The following SLC8A3 variants were observed in gnomAD, a reference collection of about 807,000 sequenced individuals.
SLC8A3 encodes sodium/calcium exchanger 3.
Under a neutral mutation model 65.4 loss-of-function variants are expected in SLC8A3, and 37 were observed. That is an observed-to-expected ratio of 0.57 (90% CI 0.44 to 0.74). The LOEUF (loss-of-function observed/expected upper bound fraction) is 0.74, where lower values mean the gene tolerates loss of function less well. SLC8A3 is among the 30% of genes least tolerant of loss of function. The probability of loss-of-function intolerance (pLI) is 0.00; values close to 1 mark genes in which losing one functional copy is unlikely to be tolerated. For missense variants in SLC8A3, 1,112 were observed against 1,172.1 expected (o/e 0.95, Z 0.75); for synonymous variants, 461 against 444.5 (o/e 1.04, Z -0.47).
At chr14:70,073,942 C>T (rs1354841924) in intron 2 of SLC8A3, among the ~76,000 whole-genome samples, 2 of 152,192 alleles carry the variant, frequency 1.3e-5, no homozygotes, top group Non-Finnish European at 2.9e-5. Context: ...TTGTAAATAG[C>T]AAATCCAGGA....
intron 2 of SLC8A3, among the ~76,000 whole-genome samples, chr14:70,084,086 T>C (rs886514550): frequency 1.1e-4 from 17 of 152,226 alleles, no homozygotes; most frequent in Non-Finnish European, 2.4e-4. Context: ...GATAATTAAG[T>C]GAGATGCCCT....
intron 1 of SLC8A3, among the ~76,000 whole-genome samples, chr14:70,184,793 T>C (rs1292919785): frequency 2.0e-5 from 3 of 152,214 alleles, no homozygotes; most frequent in Non-Finnish European, 4.4e-5. Context: ...CACATGCCTG[T>C]CAGAGTAGGT....
intron 2 of SLC8A3, among the ~76,000 whole-genome samples, chr14:70,128,340 G>C (rs61977448): frequency 0.11 from 16,195 of 152,186 alleles, 1,163 homozygotes; most frequent in Non-Finnish European, 0.16. Flanking sequence ...CTCTGTGGTT[G>C]CTTTATTGCC....
chr14:70,132,534 G>T (rs1320638581), intron 2 of SLC8A3, among the ~76,000 whole-genome samples: 1 of 152,162 alleles, frequency 6.6e-6, no homozygotes, highest in Non-Finnish European at 1.5e-5. Flanking sequence ...GGCATGGTGG[G>T]CAAGCAGGTG....
chr14:70,124,928 G>A (rs1894341095), intron 2 of SLC8A3, among the ~76,000 whole-genome samples: 1 of 152,172 alleles, frequency 6.6e-6, no homozygotes. Flanking sequence ...GGAAGAAGGT[G>A]GCATCCTTTC....
chr14:70,059,256 G>A (rs1888497173), intron 3 of SLC8A3: 1 of 152,278 alleles, frequency 6.6e-6, no homozygotes, highest in South Asian at 2.1e-4. Context: ...ATCACACTGA[G>A]AAGGCCTGTA....
chr14:70,121,964 G>T (rs1303907500), intron 2 of SLC8A3, among the ~76,000 whole-genome samples: 1 of 152,112 alleles, frequency 6.6e-6, no homozygotes, highest in Non-Finnish European at 1.5e-5. Flanking sequence ...AAGGGCCATG[G>T]CCCAATATTC....
intron 2 of SLC8A3, among the ~76,000 whole-genome samples, chr14:70,127,422 A>G (rs1894540671): frequency 6.6e-6 from 1 of 152,136 alleles, no homozygotes; most frequent in Non-Finnish European, 1.5e-5. Flanking sequence ...ACGGTTTTGT[A>G]GACCCGTGTT....
At chr14:70,143,435 A>T (rs1373013352) in intron 2 of SLC8A3, among the ~76,000 whole-genome samples, 2 of 152,162 alleles carry the variant, frequency 1.3e-5, no homozygotes, top group African/African-American at 4.8e-5. Flanking sequence ...ACACCTGTCC[A>T]TTTACAAACA....
At chr14:70,162,133 T>A (rs1317835668) in intron 2 of SLC8A3, among the ~76,000 whole-genome samples, 4 of 152,246 alleles carry the variant, frequency 2.6e-5, no homozygotes, top group Non-Finnish European at 5.9e-5. Flanking sequence ...ATTAGTCACA[T>A]AATACTCCCG....
chr14:70,135,745 T>C (rs1334062104), intron 2 of SLC8A3, among the ~76,000 whole-genome samples: 2 of 151,760 alleles, frequency 1.3e-5, no homozygotes, highest in Non-Finnish European at 2.9e-5. Context: ...CAGAGGCTGG[T>C]AAGGGAAGTG....
intron 2 of SLC8A3, among the ~76,000 whole-genome samples, chr14:70,159,693 A>G (rs1478265000): frequency 6.6e-6 from 1 of 152,246 alleles, no homozygotes; most frequent in South Asian, 2.1e-4. Flanking sequence ...AAGACCCAGA[A>G]GAGTCCAGAG....
chr14:70,097,631 A>T (rs1892277173), intron 2 of SLC8A3, among the ~76,000 whole-genome samples: 1 of 152,222 alleles, frequency 6.6e-6, no homozygotes, highest in African/African-American at 2.4e-5. Flanking sequence ...GAATGCTTAA[A>T]ACACCATGTG....
intron 2 of SLC8A3, among the ~76,000 whole-genome samples, chr14:70,114,475 A>G (rs1893527108): frequency 6.6e-6 from 1 of 152,186 alleles, no homozygotes; most frequent in Non-Finnish European, 1.5e-5. Flanking sequence ...CCCAGCTCTC[A>G]CATACACCTG....
Position 70,074,147 on chromosome 14 carries a change from G to A in SLC8A3, c.1785-13208C>T, listed in dbSNP as rs539537360. On this transcript the variant is annotated intron_variant, in intron 2 of 6. Transcript: ENST00000356921. The stretch of plus-strand genomic sequence containing the variant: ...AATGAGAATGCTGCCCCCTGGTGGT[G>A]TGCAGCACAGTGGCACTGGATGACA... 6.6e-5 allele frequency among the ~76,000 whole-genome samples: 10 copies of A among 152,346 alleles called. No homozygotes were observed. The South Asian group carries it at 8.3e-4, about 13-fold the overall frequency.
intron 2 of SLC8A3, among the ~76,000 whole-genome samples, chr14:70,120,022 G>C (rs141967072): frequency 6.6e-6 from 1 of 152,142 alleles, no homozygotes; most frequent in Non-Finnish European, 1.5e-5. Context: ...GCTAGGCTAG[G>C]TGGTTAACTG....
intron 2 of SLC8A3, among the ~76,000 whole-genome samples, chr14:70,069,812 C>T (rs559121091): frequency 8.5e-5 from 13 of 152,280 alleles, no homozygotes; most frequent in Non-Finnish European, 1.3e-4. Context: ...TCCCTGAAAG[C>T]GGTGCTTCTC....
chr14:70,057,448 C>G (rs1049308445), intron 3 of SLC8A3, among the ~76,000 whole-genome samples: 2 of 152,138 alleles, frequency 1.3e-5, no homozygotes, highest in Admixed American at 6.5e-5. Context: ...GTGGGTCAGA[C>G]AAAGGCAGCT....
At chr14:70,186,875 C>T (rs1010936219) in intron 1 of SLC8A3, among the ~76,000 whole-genome samples, 2 of 152,188 alleles carry the variant, frequency 1.3e-5, no homozygotes, top group African/African-American at 2.4e-5. Context: ...GAACTGATCC[C>T]CCTATTTCAG....
Sources: gnomAD v4.1 joint callset for allele counts (sites outside exome capture counted in the v4.1 genomes callset) on GRCh38, gnomAD v4.1.1 for gene constraint, MANE v1.5 for transcripts, NCBI Gene and HGNC (gene_info 2026-07-23, HGNC 2026-07-21) for gene names.